The following AGAP1 variants were observed in gnomAD, a reference collection of about 807,000 sequenced individuals.
AGAP1 encodes ArfGAP with GTPase domain, ankyrin repeat and PH domain 1.
AGAP1 carries 29 observed loss-of-function variants against 105.3 expected under a neutral mutation model. The ratio of observed to expected loss-of-function variants is 0.28; its 90% confidence interval spans 0.21 to 0.38. The LOEUF is 0.38. AGAP1 is among the 10% of genes least tolerant of loss of function. AGAP1 has a pLI of 1.00. For missense variants in AGAP1, 998 were observed against 1,165.1 expected, an observed-to-expected ratio of 0.86 and a Z score of 2.09; for synonymous variants, 509 against 485.9, an observed-to-expected ratio of 1.05 and a Z score of -0.63.
At position 235,551,943 on chromosome 2, in the gene AGAP1, A is replaced by G. The variant is rs1171383181; in HGVS notation, c.163+57094A>G. 1.3e-5 allele frequency among the ~76,000 whole-genome samples: 2 copies of G among 152,178 alleles called. No individual in the cohort carries two copies. The highest frequency in any genetic ancestry group is 2.4e-5 in the African/African-American group (1 of 41,452). On this transcript the variant is annotated intron_variant, in intron 1 of 17. Transcript: ENST00000304032. The surrounding 1 kb of genome is among the most constrained non-coding windows in gnomAD (Gnocchi z 4.8). ...GGGCGATCCCAGCTTTCTCCTGGTT[A>G]ATTTTACCGTCTTTTAAAAAGGAAG...
chr2:235,735,842 A>C (rs1277733456), intron 3 of AGAP1, among the ~76,000 whole-genome samples: 1 of 152,058 alleles, frequency 6.6e-6, no homozygotes, highest in Non-Finnish European at 1.5e-5. Flanking sequence ...CAGAAACCTA[A>C]TACATTGCAC....
intron 13 of AGAP1, among the ~76,000 whole-genome samples, chr2:235,969,636 A>C (rs527437421): frequency 3.9e-5 from 6 of 152,162 alleles, no homozygotes; most frequent in Non-Finnish European, 8.8e-5. Context: ...GCTACATTAG[A>C]GGGAGTGGCC....
In AGAP1 at chr2:236,051,056, A is replaced by C. The variant is rs1157562337; in HGVS notation, c.2114+1775A>C. On this transcript the variant is annotated intron_variant, in intron 16 of 17. Coordinates refer to ENST00000304032, the MANE Select transcript of AGAP1 (RefSeq NM_001037131.3). The surrounding 1 kb of genome is among the most constrained non-coding windows in gnomAD (Gnocchi z 5.9). ...CAGAGACTTGCTTACTCCCAAGTGC[A>C]GTGGTTGCAGTTAAGTCCCATCTTT... is the stretch of plus-strand genomic sequence containing the variant. Among the ~76,000 whole-genome samples the C allele has an allele frequency of 6.6e-6, 1 of 152,182 alleles. No individual in the cohort carries two copies. Among genetic ancestry groups the C allele is most frequent in the Non-Finnish European group, 1.5e-5 (1 of 68,034 alleles).
intron 1 of AGAP1, among the ~76,000 whole-genome samples, chr2:235,518,992 A>G (rs748411512): frequency 6.6e-6 from 1 of 152,224 alleles, no homozygotes; most frequent in Admixed American, 6.5e-5. Context: ...GTCAGAGCAG[A>G]CCTCAACATT....
rs1450312493 is a variant in AGAP1, at chr2:235,901,587, T to A, written c.1156-7151T>A. ...TTGGGCTCAGGACCCCTTTATCTTT[T>A]TAAAAATTATGGGCCAGGTGTGGTG... On this transcript the variant is annotated intron_variant, in intron 10 of 17. Coordinates refer to ENST00000304032, the MANE Select transcript of AGAP1 (RefSeq NM_001037131.3). The surrounding 1 kb of genome is among the most constrained non-coding windows in gnomAD (Gnocchi z 4.3). Among the ~76,000 whole-genome samples, 1 of 152,122 alleles carries A rather than the reference T, an allele frequency of 6.6e-6. No homozygotes were observed. The highest frequency in any genetic ancestry group is 6.5e-5 in the Admixed American group (1 of 15,276).
rs986548465 is a variant in AGAP1 at position 235,733,375 on chromosome 2, T to C, written c.311-7588T>C. Among the ~76,000 whole-genome samples, 4 of 152,172 alleles carry C rather than the reference T, an allele frequency of 2.6e-5. No individual in the cohort carries two copies. The highest frequency in any genetic ancestry group is 5.9e-5 in the Non-Finnish European group (4 of 68,042). On this transcript the variant is annotated intron_variant, in intron 3 of 17. Transcript: ENST00000304032. The surrounding 1 kb of genome is among the most constrained non-coding windows in gnomAD (Gnocchi z 5.0). ...ACTTTGGGGTGAAGTGATGGGGTGTTGTTGGCTCAGGTTGTAGGAGAGATG... is the reference window on the plus strand; with the variant it reads ...ACTTTGGGGTGAAGTGATGGGGTGTCGTTGGCTCAGGTTGTAGGAGAGATG...
chr2:235,778,452 T>G (rs1575434007), intron 6 of AGAP1, among the ~76,000 whole-genome samples: 1 of 152,194 alleles, frequency 6.6e-6, no homozygotes, highest in Non-Finnish European at 1.5e-5. Context: ...TTCGAGGTTC[T>G]TAAGAGTCCC....
chr2:235,786,808 A>C (rs772780381), intron 6 of AGAP1, among the ~76,000 whole-genome samples: 3 of 152,216 alleles, frequency 2.0e-5, no homozygotes, highest in African/African-American at 4.8e-5. Context: ...CTCATTAATA[A>C]GGTCCTGAAG....
At position 235,934,429 on chromosome 2, in the gene AGAP1, C is replaced by T. The variant is rs148199587; in HGVS notation, c.1483+3506C>T. Among the ~76,000 whole-genome samples, 208 of 152,292 alleles carry T rather than the reference C, an allele frequency of 1.4e-3. 1 individual carries two copies. The highest frequency in any genetic ancestry group is 4.7e-3 in the African/African-American group (196 of 41,556). ...ACCATCCCGGCGTCCCTCTGGTTCG[C>T]GTCATTCCCCCCTTTAGTGTGCTGC... On this transcript the variant is annotated intron_variant, in intron 12 of 17. Coordinates refer to ENST00000304032, the MANE Select transcript of AGAP1 (RefSeq NM_001037131.3). This position sits in a 1 kb window ranked among gnomAD's most constrained non-coding sequence, Gnocchi z 4.9.
Position 235,865,109 on chromosome 2 carries a change from A to G in AGAP1, c.1051-18236A>G, listed in dbSNP as rs1384661373. Among the ~76,000 whole-genome samples, 2 of 152,242 alleles carry G rather than the reference A, an allele frequency of 1.3e-5. No individual in the cohort carries two copies. The highest frequency in any genetic ancestry group is 2.4e-5 in the African/African-American group (1 of 41,460). On this transcript the variant is annotated intron_variant, in intron 9 of 17. Transcript: ENST00000304032. The surrounding 1 kb of genome is among the most constrained non-coding windows in gnomAD (Gnocchi z 6.2). ...ATGTGAAGTGTGTCGGTCACAAAGC[A>G]TACATTTCGGGGCAGTTAGCTGAAT...
rs1279350250 is a variant in AGAP1 at position 236,113,613 on chromosome 2, C to A, written c.2115-6579C>A. ...TGGCAGGCACTAAGTATGCGGGTAG[C>A]AGGTGGGGAGTGTCCAAGAGAATTG... is the stretch of plus-strand genomic sequence containing the variant. On this transcript the variant is annotated intron_variant, in intron 16 of 17. Coordinates refer to ENST00000304032, the MANE Select transcript of AGAP1 (RefSeq NM_001037131.3). The surrounding 1 kb of genome is among the most constrained non-coding windows in gnomAD (Gnocchi z 4.3). Among the ~76,000 whole-genome samples the A allele has an allele frequency of 6.6e-6, 1 of 152,162 alleles. No individual in the cohort carries two copies. Among genetic ancestry groups the A allele is most frequent in the Non-Finnish European group, 1.5e-5 (1 of 68,026 alleles).
At chr2:235,637,903 GA>G in intron 1 of AGAP1, among the ~76,000 whole-genome samples, 1 of 152,162 alleles carries the variant, frequency 6.6e-6, no homozygotes, top group Non-Finnish European at 1.5e-5. Context: ...AGCTCCAACA[GA>G]GAGAGTGAGT....
intron 5 of AGAP1, among the ~76,000 whole-genome samples, chr2:235,745,882 C>T (rs1018897090): frequency 2.0e-5 from 3 of 152,212 alleles, no homozygotes; most frequent in African/African-American, 7.2e-5. Context: ...AATTCCAGCA[C>T]TTTGGGAGGC....
intron 13 of AGAP1, among the ~76,000 whole-genome samples, chr2:236,016,381 C>CTTTTTTT (rs151088125): frequency 2.6e-5 from 3 of 114,674 alleles, no homozygotes; most frequent in Non-Finnish European, 5.4e-5. Context: ...GTTGGGTTTG[C>CTTTTTTT]TTTTTTTTTT....
rs1370874032 is a variant in AGAP1 at position 235,960,905 on chromosome 2, TGGCTGGTTTTAAAACTAAGTCGC to T, written c.1484-7555_1484-7533del. On this transcript the variant is annotated intron_variant, in intron 12 of 17. Coordinates refer to ENST00000304032, the MANE Select transcript of AGAP1 (RefSeq NM_001037131.3). The surrounding 1 kb of genome is among the most constrained non-coding windows in gnomAD (Gnocchi z 4.9). ...GTGGTTTGGCACAAAAGCGTGCTTGTGGCTGGTTTTAAAACTAAGTCGCGAAATTGATACACTGCTGTGTGATA... is the reference window on the plus strand; with the variant it reads ...GTGGTTTGGCACAAAAGCGTGCTTGTGAAATTGATACACTGCTGTGTGATA... Among the ~76,000 whole-genome samples, 1 of 152,228 alleles carries T rather than the reference TGGCTGGTTTTAAAACTAAGTCGC, an allele frequency of 6.6e-6. No individual in the cohort carries two copies. The highest frequency in any genetic ancestry group is 2.4e-5 in the African/African-American group (1 of 41,460).
chr2:235,505,250 A>G (rs1559207571), intron 1 of AGAP1, among the ~76,000 whole-genome samples: 1 of 152,340 alleles, frequency 6.6e-6, no homozygotes, highest in South Asian at 2.1e-4. Context: ...AAAAAAGCTA[A>G]GTGTTGCCAA....
Position 235,712,746 on chromosome 2 carries a change from AAGTACGT to A in AGAP1, c.222+3513_222+3519del, listed in dbSNP as rs1292580701. ...GACAGTGGCAACCTCTTCCTGCCTTAAGTACGTAGTTCTGTGATTTTCAAGACACCTC... is the reference window on the plus strand; with the variant it reads ...GACAGTGGCAACCTCTTCCTGCCTTAAGTTCTGTGATTTTCAAGACACCTC... On this transcript the variant is annotated intron_variant, in intron 2 of 17. Coordinates refer to ENST00000304032, the MANE Select transcript of AGAP1 (RefSeq NM_001037131.3). The surrounding 1 kb of genome is among the most constrained non-coding windows in gnomAD (Gnocchi z 6.0). Among the ~76,000 whole-genome samples, 1 of 152,178 alleles carries A rather than the reference AAGTACGT, an allele frequency of 6.6e-6. No homozygotes were observed. Among genetic ancestry groups the A allele is most frequent in the Non-Finnish European group, 1.5e-5 (1 of 68,044 alleles).
chr2:235,511,920 G>A (rs922562046), intron 1 of AGAP1, among the ~76,000 whole-genome samples: 4 of 132,776 alleles, frequency 3.0e-5, no homozygotes, highest in Non-Finnish European at 6.4e-5. Flanking sequence ...GTGGATGTGT[G>A]TGAATGTGTG....
rs1576137785 is a variant in AGAP1 at position 236,038,821 on chromosome 2, G to A, written c.1801-1930G>A. 1.3e-5 allele frequency among the ~76,000 whole-genome samples: 1 copy of A among 76,682 alleles called. No individual in the cohort carries two copies. The highest frequency in any genetic ancestry group is 1.1e-4 in the Admixed American group (1 of 9,254). 50.3% of individuals were successfully genotyped at this position (76,682 alleles called of 152,430 possible). The stretch of plus-strand genomic sequence containing the variant: ...GAGACAGAGGCACATCCCTTTGTAT[G>A]TGTGTGTGTGTGTGTGTGTGTGTGT... On this transcript the variant is annotated intron_variant, in intron 14 of 17. Transcript: ENST00000304032. This position sits in a 1 kb window ranked among gnomAD's most constrained non-coding sequence, Gnocchi z 4.5.
Sources: allele counts gnomAD v4.1 joint callset (sites outside exome capture counted in the v4.1 genomes callset), GRCh38; gene constraint gnomAD v4.1.1; non-coding constraint Gnocchi (gnomAD v3.1); transcripts MANE v1.5; gene names NCBI Gene and HGNC (gene_info 2026-07-23, HGNC 2026-07-21).